FRY: variants seen among roughly 807,000 people sequenced by gnomAD.
The protein encoded by FRY is protein furry homolog.
In FRY, 128 loss-of-function variants were observed where a neutral mutation model predicts 348.4. That is an observed-to-expected ratio of 0.37 (90% CI 0.32 to 0.43). The LOEUF (loss-of-function observed/expected upper bound fraction) is 0.43. Ranked by LOEUF, FRY falls within the 20% of genes least tolerant of loss-of-function variation. FRY has a pLI of 1.00. For synonymous variants in FRY, 1,370 were observed against 1,374.7 expected, an observed-to-expected ratio of 1.00 and a Z score of 0.08; for missense variants, 2,736 against 3,695.2, an observed-to-expected ratio of 0.74 and a Z score of 6.73.
chr13:32,295,701 T>TA lies in FRY; in HGVS notation c.*242dup, dbSNP rs1440607717. 1 of 580,108 alleles carries TA rather than the reference T, an allele frequency of 1.7e-6. No individual in the cohort carries two copies. The highest frequency in any genetic ancestry group is 1.9e-5 in the African/African-American group (1 of 53,524). 35.9% of individuals were successfully genotyped at this position (580,108 alleles called of 1,614,324 possible). On this transcript the variant is annotated 3_prime_UTR_variant, in exon 61 of 61. Coordinates refer to ENST00000542859, the MANE Select transcript of FRY (RefSeq NM_023037.3). ...ATCATGCTGTGTGGCACAAATGTGT[T>TA]ACATTTGACCGAGCATATGCAACTC...
intron 58 of FRY, among the ~76,000 whole-genome samples, chr13:32,288,414 T>C (rs1403954661): frequency 2.6e-5 from 4 of 152,324 alleles, no homozygotes; most frequent in East Asian, 1.9e-4. Context: ...CTAGGCAGAA[T>C]TGGTTTTCCC....
At chr13:32,096,172 A>G (rs1474342261) in intron 2 of FRY, among the ~76,000 whole-genome samples, 1 of 151,838 alleles carries the variant, frequency 6.6e-6, no homozygotes, top group Non-Finnish European at 1.5e-5. Context: ...TGTACTCTCA[A>G]GTCTCATCTC....
intron 11 of FRY, among the ~76,000 whole-genome samples, chr13:32,141,207 A>C (rs567908486): frequency 3.0e-4 from 45 of 152,300 alleles, no homozygotes; most frequent in African/African-American, 9.4e-4. Context: ...CATTCAATAG[A>C]AAAATAATTG....
chr13:32,136,241 G>A lies in FRY; in HGVS notation c.1078-630G>A, dbSNP rs370946096. On this transcript the variant is annotated intron_variant, in intron 10 of 60. Coordinates refer to ENST00000542859, the MANE Select transcript of FRY (RefSeq NM_023037.3). The stretch of plus-strand genomic sequence containing the variant: ...TCGGTGGCTGTTCATTACCTTTGCT[G>A]TCTTCTCAAGTTGCTGCGGGAAGCT... 1.7e-4 allele frequency among the ~76,000 whole-genome samples: 26 copies of A among 152,208 alleles called. No homozygotes were observed. The South Asian group carries it at 5.4e-3, about 32-fold the overall frequency.
intron 51 of FRY, 25 bp downstream of exon 51, chr13:32,254,419 AAT>A (rs1236763391): frequency 1.3e-6 from 2 of 1,593,994 alleles, no homozygotes; most frequent in Non-Finnish European, 1.7e-6. Flanking sequence ...CTGTAAAAAT[AAT>A]CCCCGCACCC....
chr13:32,243,994 A>G, intron 46 of FRY, 48 bp from the exon 47 acceptor site: 1 of 1,605,212 alleles, frequency 6.2e-7, no homozygotes, highest in Non-Finnish European at 8.5e-7. Flanking sequence ...GTCCTTCCAT[A>G]CGGAGATCTG....
rs1331430348 is a variant in FRY, at chr13:32,147,862, C to T, written c.1307C>T (p.Thr436Ile). The change falls in exon 13 of 61, where the codon ACA becomes ATA. Residue 436 changes from threonine (T) to isoleucine (I), a missense_variant. Coordinates refer to ENST00000542859, the MANE Select transcript of FRY (RefSeq NM_023037.3). ...AGCCGACTTATAACCATCATCACAA[C>T]ACTTTTCCCCAAAGGGTCCCGCGGT... Reference protein sequence around the residue: ...TQSRLITIITTLFPKGSRGVV... With the variant: ...TQSRLITIITILFPKGSRGVV... 6.2e-7 allele frequency: 1 copy of T among 1,607,612 alleles called. No individual in the cohort carries two copies. The highest frequency in any genetic ancestry group is 8.5e-7 in the Non-Finnish European group (1 of 1,174,140).
At chr13:32,186,014 G>T (rs1883005103) in intron 26 of FRY, among the ~76,000 whole-genome samples, 1 of 152,186 alleles carries the variant, frequency 6.6e-6, no homozygotes, top group South Asian at 2.1e-4. Flanking sequence ...AATCTCTGCA[G>T]GTCCTATTTT....
intron 19 of FRY, 45 bp downstream of exon 19, chr13:32,173,594 C>T: frequency 7.2e-7 from 1 of 1,383,990 alleles, no homozygotes; most frequent in Non-Finnish European, 1.0e-6. Flanking sequence ...ACTTTCAACT[C>T]TTCTGAAATT....
At position 32,124,661 on chromosome 13, in the gene FRY, G is replaced by A. The variant is rs1166950247; in HGVS notation, c.615G>A (p.Lys205=). ...LIHDVINLAF[K]HFKYKEGYLG... is the part of the protein sequence containing the mutation. ...ATGATGTTATTAACTTGGCTTTCAAGCACTTTAAATACAAAGAAGGGTAAG... is the reference window on the plus strand; with the variant it reads ...ATGATGTTATTAACTTGGCTTTCAAACACTTTAAATACAAAGAAGGGTAAG... Residue 205 remains lysine, a synonymous_variant, in exon 6 of 61, where the codon AAG becomes AAA. Transcript: ENST00000542859. The A allele has an allele frequency of 2.5e-6, 4 of 1,587,924 alleles. No homozygotes were observed. Among genetic ancestry groups the A allele is most frequent in the Non-Finnish European group, 2.6e-6 (3 of 1,156,398 alleles).
At chr13:32,230,022 G>A (rs771318405) in intron 40 of FRY, among the ~76,000 whole-genome samples, 4 of 152,166 alleles carry the variant, frequency 2.6e-5, no homozygotes, top group African/African-American at 7.2e-5. Flanking sequence ...AGACTGAAAT[G>A]TACTTCCAAA....
At chr13:32,110,622 G>A (rs144112294) in intron 3 of FRY, among the ~76,000 whole-genome samples, 1 of 151,956 alleles carries the variant, frequency 6.6e-6, no homozygotes, top group Admixed American at 6.6e-5. Context: ...AGTCAGAAAC[G>A]AATATTCTTT....
rs1882536765 is a variant in FRY, at chr13:32,179,019, A to G, written c.2857A>G (p.Ser953Gly). The G allele has an allele frequency of 6.2e-7, 1 of 1,612,932 alleles. No individual in the cohort carries two copies. The highest frequency in any genetic ancestry group is 1.3e-5 in the African/African-American group (1 of 74,860). Reference protein sequence around the residue: ...IMATTPDGTVSYDNKAIGTPS... With the variant: ...IMATTPDGTVGYDNKAIGTPS... Reference sequence around the variant, plus strand: ...GGCGACCACACCTGATGGTACAGTGAGCTACGATAACAAGGTGACATGACA... The same window carrying G: ...GGCGACCACACCTGATGGTACAGTGGGCTACGATAACAAGGTGACATGACA... Residue 953 changes from serine (S) to glycine (G), a missense_variant, in exon 22 of 61, where the codon AGC becomes GGC. By Grantham distance (56) the Ser-to-Gly change is moderately conservative. Around this residue, in one of 9 missense-constraint regions of FRY, gnomAD observed 449 missense variants for 576.9 expected, o/e 0.78. Transcript: ENST00000542859.
intron 55 of FRY, among the ~76,000 whole-genome samples, chr13:32,274,168 C>G (rs1888362598): frequency 6.6e-6 from 1 of 152,140 alleles, no homozygotes. Context: ...CTGCTCCCCT[C>G]CCCCATTACC....
In FRY at chr13:32,296,571, A is replaced by G. The variant is rs955086572; in HGVS notation, c.*1111A>G. The stretch of plus-strand genomic sequence containing the variant: ...TGTAAATACATTTAAAGTTTTTGTG[A>G]TGTAAGCTTAATTGATATTCTGTTC... On this transcript the variant is annotated 3_prime_UTR_variant, in exon 61 of 61. Transcript: ENST00000542859. The G allele has an allele frequency of 2.0e-5, 3 of 151,628 alleles. No homozygotes were observed. The highest frequency in any genetic ancestry group is 4.4e-5 in the Non-Finnish European group (3 of 67,852). The allele number at this position is 151,628 out of a possible 1,614,324, so 9.4% of individuals were successfully genotyped here.
At chr13:32,149,469 G>A (rs914586502) in intron 13 of FRY, among the ~76,000 whole-genome samples, 3 of 151,926 alleles carry the variant, frequency 2.0e-5, no homozygotes, top group Non-Finnish European at 4.4e-5. Context: ...TGATTTGTGG[G>A]GGGGGGTCTT....
chr13:32,288,624 G>A (rs941857317), intron 58 of FRY, among the ~76,000 whole-genome samples: 2 of 152,168 alleles, frequency 1.3e-5, no homozygotes, highest in Non-Finnish European at 2.9e-5. Context: ...AGAAGCTCTC[G>A]ATTCTGAGCT....
chr13:32,153,253 A>G (rs991395369), intron 14 of FRY, among the ~76,000 whole-genome samples: 1 of 152,206 alleles, frequency 6.6e-6, no homozygotes, highest in Non-Finnish European at 1.5e-5. Context: ...GCAAACATTT[A>G]TAGCAGCCTC....
rs750981346 is a variant in FRY at position 32,278,519 on chromosome 13, A to G, written c.8440A>G (p.Thr2814Ala). ...AGGGGGATCAAGAGATGGAGTAATTACCTGTCAACCAGGGGACTCCGAAGA... is the reference window on the plus strand; with the variant it reads ...AGGGGGATCAAGAGATGGAGTAATTGCCTGTCAACCAGGGGACTCCGAAGA... The part of the protein sequence containing the change: ...FAGGSRDGVI[T>A]CQPGDSEEKQ... Residue 2814 changes from threonine (T) to alanine (A), a missense_variant, in exon 58 of 61, where the codon ACC (threonine) becomes GCC (alanine). Around this residue, in one of 9 missense-constraint regions of FRY, gnomAD observed 789 missense variants for 996.2 expected, o/e 0.79. Transcript: ENST00000542859. The G allele has an allele frequency of 6.3e-7, 1 of 1,592,224 alleles. No homozygotes were observed. Among genetic ancestry groups the G allele is most frequent in the East Asian group, 2.2e-5 (1 of 44,762 alleles).
Sources: allele counts gnomAD v4.1 joint callset (sites outside exome capture counted in the v4.1 genomes callset), GRCh38; gene constraint gnomAD v4.1.1; regional missense constraint gnomAD v4.1.1; transcripts MANE v1.5; gene names NCBI Gene and HGNC (gene_info 2026-07-23, HGNC 2026-07-21).